TTC7A: variants seen among roughly 807,000 people sequenced by gnomAD.
The protein encoded by TTC7A is tetratricopeptide repeat domain 7A, also known as tetratricopeptide repeat protein 7A.
In TTC7A, 110 loss-of-function variants were observed where a neutral mutation model predicts 103.7. The observed-to-expected ratio is 1.06, with a 90% CI of 0.91 to 1.24. The LOEUF (loss-of-function observed/expected upper bound fraction) is 1.24. TTC7A is among the 50% of genes most tolerant of loss of function. TTC7A has a pLI of 0.00. For missense variants in TTC7A, 1,340 were observed against 1,116.3 expected, an observed-to-expected ratio of 1.20 and a Z score of -2.86; for synonymous variants, 521 against 467.9, an observed-to-expected ratio of 1.11 and a Z score of -1.47.
upstream of TTC7A, chr2:46,916,087 C>A (rs936866983): frequency 2.8e-5 from 28 of 985,524 alleles, no homozygotes; most frequent in African/African-American, 4.4e-4. Flanking sequence ...AACGTAGTTC[C>A]ACGGGCGACG....
chr2:47,028,512 G>A (rs11125111), intron 14 of TTC7A, among the ~76,000 whole-genome samples: 28,475 of 152,098 alleles, frequency 0.19, 3,002 homozygotes, highest in African/African-American at 0.29. Flanking sequence ...GCAGTGCTCC[G>A]AGAAGGGAGG....
intron 2 of TTC7A, among the ~76,000 whole-genome samples, chr2:46,936,171 A>G (rs1669967417): frequency 6.6e-6 from 1 of 152,188 alleles, no homozygotes; most frequent in Non-Finnish European, 1.5e-5. Flanking sequence ...CTCTTCTACC[A>G]ATAAAGAACT....
chr2:46,923,503 A>G (rs1173202412), intron 2 of TTC7A, among the ~76,000 whole-genome samples: 1 of 152,250 alleles, frequency 6.6e-6, no homozygotes, highest in African/African-American at 2.4e-5. Context: ...CAGAAGGTAT[A>G]GGCCTTGGAG....
At position 46,962,380 on chromosome 2, in the gene TTC7A, T is replaced by A. The variant is rs564283243; in HGVS notation, c.517+5373T>A. ...AGTATGCACGTCCATTCTACCCAGT[T>A]AGGGGTCAGTATGTTCCTCCACCGA... On this transcript the variant is annotated intron_variant, in intron 3 of 19. Transcript: ENST00000319190. Among the ~76,000 whole-genome samples the A allele has an allele frequency of 5.3e-5, 8 of 152,264 alleles. No homozygotes were observed. The East Asian group carries it at 1.5e-3, about 29-fold the overall frequency.
chr2:47,018,606 T>C (rs905414968), intron 11 of TTC7A, among the ~76,000 whole-genome samples: 8 of 150,686 alleles, frequency 5.3e-5, no homozygotes, highest in African/African-American at 2.0e-4. Flanking sequence ...AAAAAGCTTA[T>C]ATTATTATAT....
intron 8 of TTC7A, among the ~76,000 whole-genome samples, chr2:47,003,420 C>G (rs1163919776): frequency 6.6e-6 from 1 of 152,122 alleles, no homozygotes; most frequent in Non-Finnish European, 1.5e-5. Flanking sequence ...ATAGAGGGAA[C>G]TGCAGCATGA....
chr2:47,062,842 T>C (rs1683896021), intron 19 of TTC7A, among the ~76,000 whole-genome samples: 1 of 152,214 alleles, frequency 6.6e-6, no homozygotes, highest in African/African-American at 2.4e-5. Context: ...AATGGTCCCT[T>C]TTTCCTTCCT....
intron 8 of TTC7A, among the ~76,000 whole-genome samples, chr2:46,999,025 C>G: frequency 6.6e-6 from 1 of 152,146 alleles, no homozygotes; most frequent in Non-Finnish European, 1.5e-5. Flanking sequence ...ATCATTGATT[C>G]ATTCATATAT....
chr2:46,942,952 C>A (rs1434401064), intron 1 of TTC7A, among the ~76,000 whole-genome samples: 1 of 152,114 alleles, frequency 6.6e-6, no homozygotes, highest in Non-Finnish European at 1.5e-5. Context: ...GTTACCCAGG[C>A]TGGAGTGTAA....
intron 3 of TTC7A, among the ~76,000 whole-genome samples, chr2:46,972,163 G>T (rs7560371): frequency 1.3e-5 from 2 of 150,822 alleles, no homozygotes; most frequent in Non-Finnish European, 1.5e-5. Flanking sequence ...CATTTTTTTC[G>T]TGACTAAGAG....
intron 8 of TTC7A, among the ~76,000 whole-genome samples, chr2:47,000,605 A>C (rs1676706560): frequency 6.6e-6 from 1 of 152,154 alleles, no homozygotes; most frequent in African/African-American, 2.4e-5. Context: ...CTCGAGAGCC[A>C]GTGGTAATTA....
intron 16 of TTC7A, among the ~76,000 whole-genome samples, chr2:47,048,093 C>G (rs1682508555): frequency 6.6e-6 from 1 of 152,194 alleles, no homozygotes; most frequent in Non-Finnish European, 1.5e-5. Flanking sequence ...CTGGGCCAGC[C>G]CCACACTGCT....
At chr2:47,018,027 A>C (rs1461096866) in intron 11 of TTC7A, among the ~76,000 whole-genome samples, 1 of 152,202 alleles carries the variant, frequency 6.6e-6, no homozygotes, top group Non-Finnish European at 1.5e-5. Flanking sequence ...CTGTAATCCC[A>C]GCACTTTGGG....
intron 15 of TTC7A, among the ~76,000 whole-genome samples, chr2:47,038,128 G>A (rs1048205348): frequency 2.6e-5 from 4 of 151,984 alleles, no homozygotes; most frequent in African/African-American, 7.3e-5. Context: ...GCGTGGTGGC[G>A]CATGCCTGTT....
chr2:47,015,339 G>A (rs529496257), intron 11 of TTC7A, among the ~76,000 whole-genome samples: 3 of 152,358 alleles, frequency 2.0e-5, no homozygotes, highest in East Asian at 3.9e-4. Flanking sequence ...TGCATGTGTG[G>A]TGTCACACAG....
chr2:46,987,243 C>T (rs1675107700), intron 5 of TTC7A, among the ~76,000 whole-genome samples: 1 of 152,206 alleles, frequency 6.6e-6, no homozygotes, highest in Non-Finnish European at 1.5e-5. Flanking sequence ...ACCTGGTTGC[C>T]AGAAGGGGGC....
intron 8 of TTC7A, among the ~76,000 whole-genome samples, chr2:47,002,148 A>G (rs572968833): frequency 1.3e-5 from 2 of 152,292 alleles, no homozygotes; most frequent in East Asian, 3.9e-4. Context: ...AGGAGGGGCT[A>G]CCCTAGGAGA....
chr2:47,044,694 G>A (rs1042753168), intron 15 of TTC7A, among the ~76,000 whole-genome samples: 6 of 152,232 alleles, frequency 3.9e-5, no homozygotes, highest in Non-Finnish European at 4.4e-5. Flanking sequence ...GGGGCAACCC[G>A]TGTGCAGGGT....
At chr2:46,917,394 C>A (rs956021446) in intron 2 of TTC7A, 2 of 575,978 alleles carry the variant, frequency 3.5e-6, no homozygotes, top group Non-Finnish European at 6.1e-6. Flanking sequence ...GTTCCTCCTT[C>A]TACCCTGCAT....
Sources: gnomAD v4.1 joint callset for allele counts (sites outside exome capture counted in the v4.1 genomes callset) on GRCh38, gnomAD v4.1.1 for gene constraint, MANE v1.5 for transcripts, NCBI Gene and HGNC (gene_info 2026-07-23, HGNC 2026-07-21) for gene names.